The following CYRIB variants were observed in gnomAD, a reference collection of about 807,000 sequenced individuals.
CYRIB encodes the protein CYFIP-related Rac1 interactor B.
A neutral mutation model predicts 44.2 loss-of-function variants in CYRIB; 8 were observed. That is an observed-to-expected ratio of 0.18 (90% confidence interval 0.11 to 0.33). CYRIB has a LOEUF of 0.33. CYRIB is among the 10% of genes least tolerant of loss of function. CYRIB has a pLI of 1.00. For missense variants in CYRIB, 185 were observed against 382.8 expected (o/e 0.48, Z 4.31); for synonymous variants, 131 against 127.2 (o/e 1.03, Z -0.20).
chr8:129,997,359 G>C (rs1011499374), intron 1 of CYRIB, among the ~76,000 whole-genome samples: 2 of 152,138 alleles, frequency 1.3e-5, no homozygotes, highest in African/African-American at 4.8e-5. Flanking sequence ...TTTGGCCATT[G>C]CTGGCTTCCT....
chr8:129,871,347 A>G, intron 4 of CYRIB, 28 bp downstream of exon 6: 1 of 1,586,796 alleles, frequency 6.3e-7, no homozygotes. Flanking sequence ...AGTTTCAGTT[A>G]ACTAGAAAAT....
intron 1 of CYRIB, among the ~76,000 whole-genome samples, chr8:129,923,688 T>C (rs1285447825): frequency 2.0e-5 from 3 of 152,094 alleles, no homozygotes; most frequent in African/African-American, 7.2e-5. Flanking sequence ...TTGTTGGCTA[T>C]ACTAAAGATT....
At chr8:129,997,658 CAG>C (rs1215719122) in intron 1 of CYRIB, among the ~76,000 whole-genome samples, 2 of 152,200 alleles carry the variant, frequency 1.3e-5, no homozygotes, top group Non-Finnish European at 2.9e-5. Flanking sequence ...TTCCTCTGGA[CAG>C]AGCCAGAGAA....
chr8:129,936,314 C>T (rs559909733), intron 1 of CYRIB, among the ~76,000 whole-genome samples: 1 of 152,238 alleles, frequency 6.6e-6, no homozygotes, highest in African/African-American at 2.4e-5. Context: ...GGTCTCTGAG[C>T]CTTACTTTCC....
At chr8:129,999,014 C>A (rs986231230) in intron 1 of CYRIB, among the ~76,000 whole-genome samples, 1 of 152,296 alleles carries the variant, frequency 6.6e-6, no homozygotes, top group East Asian at 1.9e-4. Flanking sequence ...CAGCTCAGCT[C>A]AAACTTGGCA....
chr8:130,005,749 A>C (rs2097043173), intron 1 of CYRIB, among the ~76,000 whole-genome samples: 1 of 151,924 alleles, frequency 6.6e-6, no homozygotes, highest in African/African-American at 2.4e-5. Context: ...AGGCTGAGGC[A>C]GGAGGATCAC....
intron 1 of CYRIB, among the ~76,000 whole-genome samples, chr8:130,009,074 G>C (rs1441637904): frequency 6.6e-6 from 1 of 152,214 alleles, no homozygotes; most frequent in Non-Finnish European, 1.5e-5. Context: ...CTGGAAAACA[G>C]ACACTGAGAT....
At chr8:129,888,099 A>G (rs1268671962) in intron 2 of CYRIB, among the ~76,000 whole-genome samples, 3 of 152,194 alleles carry the variant, frequency 2.0e-5, no homozygotes, top group African/African-American at 7.2e-5. Context: ...CCCAAATTTC[A>G]TGAGTGTTGG....
chr8:129,987,765 T>C (rs1465674938), intron 1 of CYRIB, among the ~76,000 whole-genome samples: 1 of 151,968 alleles, frequency 6.6e-6, no homozygotes, highest in East Asian at 1.9e-4. Context: ...AGAGATGGGG[T>C]TTCACCATGT....
chr8:129,983,313 C>T (rs1296935417), intron 1 of CYRIB, among the ~76,000 whole-genome samples: 1 of 151,966 alleles, frequency 6.6e-6, no homozygotes, highest in African/African-American at 2.4e-5. Flanking sequence ...GGCGTGGTGG[C>T]GGGCGCCTGT....
chr8:129,948,093 T>TA (rs759931786), intron 2 of CYRIB: 19 of 152,314 alleles, frequency 1.2e-4, no homozygotes, highest in Non-Finnish European at 2.4e-4. Context: ...CTGGAGTTAT[T>TA]AGAGTCCTCG....
At chr8:130,003,625 G>A (rs1218127656) in intron 1 of CYRIB, among the ~76,000 whole-genome samples, 1 of 152,214 alleles carries the variant, frequency 6.6e-6, no homozygotes, top group Non-Finnish European at 1.5e-5. Context: ...GGAATCAAAT[G>A]CTCCCTCCTC....
intron 2 of CYRIB, among the ~76,000 whole-genome samples, chr8:129,882,982 G>A (rs751557978): frequency 4.0e-5 from 6 of 151,684 alleles, no homozygotes; most frequent in Non-Finnish European, 7.4e-5. Context: ...TAGATCACAA[G>A]GTCAGGAGTT....
At chr8:129,996,886 G>A (rs2096780128) in intron 1 of CYRIB, among the ~76,000 whole-genome samples, 1 of 152,034 alleles carries the variant, frequency 6.6e-6, no homozygotes, top group African/African-American at 2.4e-5. Context: ...TGGAATGGCA[G>A]GAACTCACTT....
At chr8:129,960,692 C>T (rs1051947223) in intron 2 of CYRIB, among the ~76,000 whole-genome samples, 2 of 145,950 alleles carry the variant, frequency 1.4e-5, no homozygotes, top group African/African-American at 5.1e-5. Flanking sequence ...TGGCTCATGC[C>T]TGTAATCCCA....
chr8:129,932,728 A>G (rs908267179), intron 1 of CYRIB, among the ~76,000 whole-genome samples: 1 of 152,200 alleles, frequency 6.6e-6, no homozygotes, highest in African/African-American at 2.4e-5. Context: ...TTCTGGGGAA[A>G]GAGGATGGGA....
intron 9 of CYRIB, chr8:129,849,754 T>A (rs2042263459): frequency 6.2e-6 from 1 of 162,074 alleles, no homozygotes; most frequent in Admixed American, 5.9e-5. Flanking sequence ...TGCACCCACA[T>A]TAGTGCACTG....
chr8:129,945,602 C>G (rs2094082040), intron 2 of CYRIB, among the ~76,000 whole-genome samples: 2 of 152,220 alleles, frequency 1.3e-5, no homozygotes, highest in South Asian at 2.1e-4. Context: ...GAGTCTTGCT[C>G]TGTCGCCCCA....
At chr8:129,975,937 G>T (rs1406511555) in intron 1 of CYRIB, among the ~76,000 whole-genome samples, 1 of 152,132 alleles carries the variant, frequency 6.6e-6, no homozygotes, top group Admixed American at 6.5e-5. Flanking sequence ...GTGCAGCTGG[G>T]ACTGACAAGC....
Sources: allele counts gnomAD v4.1 joint callset (sites outside exome capture counted in the v4.1 genomes callset), GRCh38; gene constraint gnomAD v4.1.1; transcripts MANE v1.5; gene names NCBI Gene and HGNC (gene_info 2026-07-23, HGNC 2026-07-21).